BBS9: variants seen among roughly 807,000 people sequenced by gnomAD.
BBS9 encodes Bardet-Biedl syndrome 9, also known as protein PTHB1.
A neutral mutation model predicts 117.7 loss-of-function variants in BBS9; 89 were observed. The observed-to-expected ratio is 0.76, with a 90% CI of 0.64 to 0.90. The LOEUF is 0.90. Among genes scored for constraint, BBS9 ranks in the 40% least tolerant of loss-of-function variants. BBS9 has a pLI of 0.00. For synonymous variants in BBS9, 379 were observed against 370.9 expected, an observed-to-expected ratio of 1.02 and a Z score of -0.25; for missense variants, 982 against 1,042.2, an observed-to-expected ratio of 0.94 and a Z score of 0.80.
At chr7:33,596,032 G>A (rs1275913928) in intron 21 of BBS9, among the ~76,000 whole-genome samples, 1 of 151,966 alleles carries the variant, frequency 6.6e-6, no homozygotes, top group Non-Finnish European at 1.5e-5. Context: ...GGGGTTGGAG[G>A]CAAGGGGAGG....
At chr7:33,180,583 C>T (rs1274096146) in intron 5 of BBS9, among the ~76,000 whole-genome samples, 1 of 152,156 alleles carries the variant, frequency 6.6e-6, no homozygotes, top group Non-Finnish European at 1.5e-5. Context: ...TCTCTATCTC[C>T]TGACCTCGTG....
intron 21 of BBS9, among the ~76,000 whole-genome samples, chr7:33,569,403 A>ATGTGTG (rs1463107308): frequency 2.0e-4 from 31 of 151,810 alleles, no homozygotes; most frequent in Non-Finnish European, 8.8e-5. Context: ...GTATATACAG[A>ATGTGTG]TGTGTATATA....
chr7:33,485,347 T>C (rs1385760484), intron 19 of BBS9, among the ~76,000 whole-genome samples: 1 of 149,910 alleles, frequency 6.7e-6, no homozygotes, highest in East Asian at 1.9e-4. Flanking sequence ...TCTCGCTCTG[T>C]TGCCCAGGCT....
downstream of BBS9, among the ~76,000 whole-genome samples, chr7:33,607,937 A>T (rs1185200939): frequency 6.6e-6 from 1 of 151,482 alleles, no homozygotes; most frequent in Non-Finnish European, 1.5e-5. Flanking sequence ...GTACACATGC[A>T]AGTTTCTTAC....
At chr7:33,417,407 ATTCC>A (rs1307116875) in intron 19 of BBS9, among the ~76,000 whole-genome samples, 1 of 152,196 alleles carries the variant, frequency 6.6e-6, no homozygotes, top group Non-Finnish European at 1.5e-5. Context: ...AGAATTTCAT[ATTCC>A]TAGATTTGGG....
intron 19 of BBS9, among the ~76,000 whole-genome samples, chr7:33,476,252 T>C (rs1841788513): frequency 6.6e-6 from 1 of 152,142 alleles, no homozygotes; most frequent in Non-Finnish European, 1.5e-5. Flanking sequence ...AGGTTTTAAA[T>C]CTTGGATAGT....
intron 16 of BBS9, among the ~76,000 whole-genome samples, chr7:33,361,198 G>T (rs1275859475): frequency 6.6e-6 from 1 of 152,098 alleles, no homozygotes; most frequent in Non-Finnish European, 1.5e-5. Flanking sequence ...AGGGGGTTGG[G>T]AACATGTGTT....
intron 5 of BBS9, among the ~76,000 whole-genome samples, chr7:33,229,570 A>G: frequency 6.6e-6 from 1 of 152,202 alleles, no homozygotes; most frequent in East Asian, 1.9e-4. Flanking sequence ...GCAAGATCCC[A>G]TTCTTTCTTA....
At chr7:33,254,268 A>G (rs1335247818) in intron 5 of BBS9, among the ~76,000 whole-genome samples, 3 of 152,054 alleles carry the variant, frequency 2.0e-5, no homozygotes, top group Admixed American at 2.0e-4. Context: ...GGTAATAATA[A>G]CCCTCTTAAT....
chr7:33,351,143 C>T (rs573637947), intron 13 of BBS9, 76 bp from the exon 14 acceptor site: 12 of 937,640 alleles, frequency 1.3e-5, no homozygotes, highest in South Asian at 1.1e-4. Flanking sequence ...GTGGTGAGTG[C>T]TTATTAAATT....
rs1484963568 is a variant in BBS9, at chr7:33,233,593, G to T, written c.443-23643G>T. The stretch of plus-strand genomic sequence containing the variant: ...ATTTTTTTTCTTATAAAAGCTACTG[G>T]TATCGTATAACTGGCATCCCAAAAT... On this transcript the variant is annotated intron_variant, in intron 5 of 22. Coordinates refer to ENST00000242067, the MANE Select transcript of BBS9 (RefSeq NM_198428.3). Among the ~76,000 whole-genome samples the T allele has an allele frequency of 3.9e-5, 6 of 152,084 alleles. No individual in the cohort carries two copies. In the South Asian group the frequency reaches 1.2e-3, roughly 32 times the overall value.
At chr7:33,300,785 G>A (rs1806234803) in intron 9 of BBS9, among the ~76,000 whole-genome samples, 1 of 151,938 alleles carries the variant, frequency 6.6e-6, no homozygotes, top group Non-Finnish European at 1.5e-5. Flanking sequence ...AAATCTTCAA[G>A]CTGCTATCTG....
At chr7:33,201,997 A>G (rs1785958740) in intron 5 of BBS9, among the ~76,000 whole-genome samples, 1 of 152,186 alleles carries the variant, frequency 6.6e-6, no homozygotes, top group African/African-American at 2.4e-5. Flanking sequence ...GTCTGCCTCC[A>G]TAGTTGAGTG....
chr7:33,233,026 T>A (rs1792781232), intron 5 of BBS9, among the ~76,000 whole-genome samples: 1 of 152,120 alleles, frequency 6.6e-6, no homozygotes, highest in African/African-American at 2.4e-5. Flanking sequence ...ATTTGTTCTT[T>A]GACTTAAGCC....
intron 1 of BBS9, among the ~76,000 whole-genome samples, chr7:33,130,635 G>A (rs1789449113): frequency 6.6e-6 from 1 of 152,104 alleles, no homozygotes. Flanking sequence ...TAAGCTATGG[G>A]TCTTAAGTTG....
chr7:33,384,429 AG>A (rs1460848355), intron 18 of BBS9, among the ~76,000 whole-genome samples: 3 of 152,182 alleles, frequency 2.0e-5, no homozygotes, highest in African/African-American at 7.2e-5. Flanking sequence ...GATTCTCTTG[AG>A]TATTTCAATG....
At chr7:33,529,681 C>A (rs1005557453) in intron 20 of BBS9, among the ~76,000 whole-genome samples, 5 of 148,714 alleles carry the variant, frequency 3.4e-5, no homozygotes, top group Admixed American at 2.7e-4. Context: ...AAAAGCCATA[C>A]ACAGGTCAAC....
chr7:33,553,842 C>T (rs1382256967), intron 21 of BBS9, among the ~76,000 whole-genome samples: 2 of 152,076 alleles, frequency 1.3e-5, no homozygotes, highest in Non-Finnish European at 2.9e-5. Flanking sequence ...AGACAGGATT[C>T]GTACCCACAG....
Position 33,196,590 on chromosome 7 carries a change from C to T in BBS9, c.442+18999C>T, listed in dbSNP as rs149826756. On this transcript the variant is annotated intron_variant, in intron 5 of 22. Coordinates refer to ENST00000242067, the MANE Select transcript of BBS9 (RefSeq NM_198428.3). ...ACCATATGGCCCTTATTTTCTCATA[C>T]ATGTGGTTGAAATGTTAGAGCGTAA... Among the ~76,000 whole-genome samples the T allele has an allele frequency of 2.3e-3, 343 of 152,266 alleles. 4 individuals are homozygous for T. Among genetic ancestry groups the T allele is most frequent in the African/African-American group, 7.6e-3 (314 of 41,566 alleles).
Sources: gnomAD v4.1 joint callset for allele counts (sites outside exome capture counted in the v4.1 genomes callset) on GRCh38, gnomAD v4.1.1 for gene constraint, MANE v1.5 for transcripts, NCBI Gene and HGNC (gene_info 2026-07-23, HGNC 2026-07-21) for gene names.